LTBP1: variants seen among roughly 807,000 people sequenced by gnomAD.
LTBP1 encodes the protein latent-transforming growth factor beta-binding protein 1.
A neutral mutation model predicts 207.6 loss-of-function variants in LTBP1; 129 were observed. The ratio of observed to expected loss-of-function variants is 0.62; its 90% CI spans 0.54 to 0.72. The LOEUF (loss-of-function observed/expected upper bound fraction) is 0.72, where lower values mean the gene tolerates loss of function less well. Among genes scored for constraint, LTBP1 ranks in the 30% least tolerant of loss-of-function variants. The pLI is 0.00. For missense variants in LTBP1, 2,281 were observed against 2,217.2 expected, an observed-to-expected ratio of 1.03 and a Z score of -0.58; for synonymous variants, 963 against 833.7, an observed-to-expected ratio of 1.16 and a Z score of -2.67.
chr2:33,109,728 T>G (rs1005424535), intron 3 of LTBP1, among the ~76,000 whole-genome samples: 1 of 152,240 alleles, frequency 6.6e-6, no homozygotes, highest in African/African-American at 2.4e-5. Flanking sequence ...AAAAATTGTT[T>G]CCCTAAAGCG....
intron 25 of LTBP1, among the ~76,000 whole-genome samples, chr2:33,344,229 A>C (rs1277297158): frequency 6.6e-6 from 1 of 152,224 alleles, no homozygotes; most frequent in Non-Finnish European, 1.5e-5. Flanking sequence ...ATAATTATTC[A>C]AGAATTATTC....
chr2:33,028,576 C>A (rs997172709), intron 3 of LTBP1, among the ~76,000 whole-genome samples: 5 of 152,104 alleles, frequency 3.3e-5, no homozygotes, highest in Non-Finnish European at 7.4e-5. Context: ...GAAACCAATT[C>A]AAAAAGTCAC....
chr2:33,110,755 A>C lies in LTBP1; in HGVS notation c.1033+4A>C. ...CAAGTTGCGGCACCTTTTCAGCGTG[A>C]GTATAGTCTTATCAACCATTTTCCC... On this transcript the variant is annotated splice_donor_region_variant and intron_variant, in intron 4 of 33. Transcript: ENST00000404816. The C allele has an allele frequency of 6.2e-7, 1 of 1,611,814 alleles. No individual in the cohort carries two copies. The highest frequency in any genetic ancestry group is 8.5e-7 in the Non-Finnish European group (1 of 1,178,212).
intron 3 of LTBP1, among the ~76,000 whole-genome samples, chr2:33,085,321 A>T (rs1459327174): frequency 6.6e-6 from 1 of 152,190 alleles, no homozygotes; most frequent in African/African-American, 2.4e-5. Flanking sequence ...CTGGGAAGTT[A>T]ATACACTGCC....
chr2:33,075,960 G>T (rs1341162314), intron 3 of LTBP1, among the ~76,000 whole-genome samples: 3 of 152,182 alleles, frequency 2.0e-5, no homozygotes, highest in Non-Finnish European at 4.4e-5. Flanking sequence ...TTATTTGCAT[G>T]CAAGAGTAGA....
chr2:33,396,508 C>G (rs1255782727), intron 32 of LTBP1, among the ~76,000 whole-genome samples: 6 of 152,166 alleles, frequency 3.9e-5, no homozygotes, highest in African/African-American at 1.4e-4. Context: ...AGGCATGAGC[C>G]CAGACTTTGG....
At position 33,092,108 on chromosome 2, in the gene LTBP1, G is replaced by A. The variant is rs553904873; in HGVS notation, c.864-18474G>A. Reference sequence around the variant, plus strand: ...TAATCTTGTTCTATAGTTCTTTGCCGTTAAAAAAATTATGGACCCCTTTAA... The same window carrying A: ...TAATCTTGTTCTATAGTTCTTTGCCATTAAAAAAATTATGGACCCCTTTAA... On this transcript the variant is annotated intron_variant, in intron 3 of 33. Transcript: ENST00000404816. 3.3e-5 allele frequency among the ~76,000 whole-genome samples: 5 copies of A among 152,180 alleles called. No homozygotes were observed. In the East Asian group the frequency reaches 5.8e-4, roughly 18 times the overall value.
intron 2 of LTBP1, among the ~76,000 whole-genome samples, chr2:33,011,892 T>A (rs1438940099): frequency 6.6e-6 from 1 of 152,148 alleles, no homozygotes; most frequent in Non-Finnish European, 1.5e-5. Flanking sequence ...GTGGCAGATT[T>A]TAACACTGAC....
chr2:33,078,807 GA>G (rs1384656450), intron 3 of LTBP1, among the ~76,000 whole-genome samples: 1 of 151,306 alleles, frequency 6.6e-6, no homozygotes, highest in Non-Finnish European at 1.5e-5. Flanking sequence ...GTGTTATTGG[GA>G]TAGAATAATT....
At chr2:33,352,781 C>T (rs1191753938) in intron 26 of LTBP1, among the ~76,000 whole-genome samples, 1 of 152,158 alleles carries the variant, frequency 6.6e-6, no homozygotes, top group Non-Finnish European at 1.5e-5. Context: ...AATGCATTAG[C>T]AGGGCAGCAA....
Position 33,287,443 on chromosome 2 carries a change from G to A in LTBP1, c.3113-5717G>A, listed in dbSNP as rs148378798. ...CAAAACAATATAATGAAGACAATAA[G>A]GAAAATAAAAGAGCATAGAAAGGAG... On this transcript the variant is annotated intron_variant, in intron 19 of 33. Transcript: ENST00000404816. 1.6e-4 allele frequency among the ~76,000 whole-genome samples: 24 copies of A among 152,272 alleles called. 1 individual carries two copies. In the East Asian group the frequency reaches 4.4e-3, roughly 28 times the overall value.
chr2:33,365,608 G>A (rs918945364), intron 31 of LTBP1, 105 bp downstream of exon 31: 10 of 1,085,074 alleles, frequency 9.2e-6, no homozygotes, highest in Non-Finnish European at 1.3e-5. Flanking sequence ...CTTCACTCCT[G>A]ATATCTTACT....
At chr2:33,293,383 T>C in intron 20 of LTBP1, 101 bp downstream of exon 20, 1 of 1,249,582 alleles carries the variant, frequency 8.0e-7, no homozygotes, top group African/African-American at 1.5e-5. Context: ...CCTGTGTTTA[T>C]TTTGACCGAG....
At chr2:33,283,511 A>G (rs937348928) in intron 19 of LTBP1, among the ~76,000 whole-genome samples, 15 of 129,458 alleles carry the variant, frequency 1.2e-4, no homozygotes, top group Non-Finnish European at 2.3e-4. Flanking sequence ...ATCTCAGCTC[A>G]CTGCAACCTC....
At chr2:33,337,486 A>G (rs1015517346) in intron 24 of LTBP1, among the ~76,000 whole-genome samples, 3 of 152,190 alleles carry the variant, frequency 2.0e-5, no homozygotes, top group Non-Finnish European at 4.4e-5. Context: ...CTTGGTTTGC[A>G]TAATTCTTTC....
chr2:33,372,446 CA>C (rs906670511), intron 31 of LTBP1, among the ~76,000 whole-genome samples: 4 of 152,258 alleles, frequency 2.6e-5, no homozygotes, highest in Admixed American at 6.5e-5. Flanking sequence ...GCAGGAATAA[CA>C]AAAAACTATA....
chr2:33,090,392 C>T (rs1009926380), intron 3 of LTBP1, among the ~76,000 whole-genome samples: 4 of 151,976 alleles, frequency 2.6e-5, no homozygotes, highest in Admixed American at 6.6e-5. Context: ...TATGGTATGC[C>T]GAATCTGTCT....
chr2:33,059,704 C>T (rs1200031942), intron 3 of LTBP1, among the ~76,000 whole-genome samples: 2 of 151,986 alleles, frequency 1.3e-5, no homozygotes, highest in Non-Finnish European at 2.9e-5. Context: ...TTTAAGGGAA[C>T]CATAAGATGA....
intron 2 of LTBP1, among the ~76,000 whole-genome samples, chr2:32,997,722 C>T (rs1685504827): frequency 6.6e-6 from 1 of 152,194 alleles, no homozygotes; most frequent in African/African-American, 2.4e-5. Context: ...CAGGACGTAG[C>T]TGGACCCAGC....
Sources: gnomAD v4.1 joint callset for allele counts (sites outside exome capture counted in the v4.1 genomes callset) on GRCh38, gnomAD v4.1.1 for gene constraint, MANE v1.5 for transcripts, NCBI Gene and HGNC (gene_info 2026-07-23, HGNC 2026-07-21) for gene names.